CACNA2D3: variants seen among roughly 807,000 people sequenced by gnomAD.
CACNA2D3 encodes voltage-dependent calcium channel subunit alpha-2/delta-3.
CACNA2D3 carries 60 observed loss-of-function variants against 160.6 expected under a neutral mutation model. The observed-to-expected ratio is 0.37, with a 90% confidence interval of 0.30 to 0.46. The LOEUF (loss-of-function observed/expected upper bound fraction) is 0.46. CACNA2D3 is among the 20% of genes least tolerant of loss of function. The pLI, the probability that CACNA2D3 is intolerant of heterozygous loss-of-function variation, is 1.00. For synonymous variants in CACNA2D3, 558 were observed against 492.9 expected (o/e 1.13, Z -1.75); for missense variants, 1,205 against 1,365.0 (o/e 0.88, Z 1.85).
intron 2 of CACNA2D3, among the ~76,000 whole-genome samples, chr3:54,176,163 T>C (rs948339890): frequency 7.2e-5 from 11 of 152,194 alleles, no homozygotes; most frequent in African/African-American, 2.2e-4. Flanking sequence ...CCCAACACAC[T>C]TTTTCACATT....
chr3:54,198,952 T>C (rs1257821487), intron 2 of CACNA2D3, among the ~76,000 whole-genome samples: 8 of 152,264 alleles, frequency 5.3e-5, no homozygotes, highest in Non-Finnish European at 7.3e-5. Flanking sequence ...GCTGCTGGCC[T>C]GAGGACATTT....
chr3:54,676,633 T>C (rs1000464007), intron 11 of CACNA2D3, among the ~76,000 whole-genome samples: 1 of 152,128 alleles, frequency 6.6e-6, no homozygotes, highest in African/African-American at 2.4e-5. Flanking sequence ...GCCCTTCCCA[T>C]AGGCTGGCAG....
chr3:54,335,030 G>T (rs1305899430), intron 3 of CACNA2D3, among the ~76,000 whole-genome samples: 1 of 152,218 alleles, frequency 6.6e-6, no homozygotes, highest in African/African-American at 2.4e-5. Flanking sequence ...TTGATGTAAA[G>T]TGTTTTAGCC....
chr3:54,770,139 A>G (rs1048734261), intron 13 of CACNA2D3, among the ~76,000 whole-genome samples: 3 of 152,228 alleles, frequency 2.0e-5, no homozygotes, highest in Admixed American at 6.5e-5. Flanking sequence ...TTTGCCACAA[A>G]ATATCTCACT....
At chr3:54,267,079 G>A (rs1169072319) in intron 2 of CACNA2D3, among the ~76,000 whole-genome samples, 1 of 152,054 alleles carries the variant, frequency 6.6e-6, no homozygotes, top group Non-Finnish European at 1.5e-5. Context: ...ATGAGGCAGT[G>A]AGAAAAAAAT....
chr3:54,486,267 A>G (rs1251633787), intron 4 of CACNA2D3, among the ~76,000 whole-genome samples: 1 of 152,138 alleles, frequency 6.6e-6, no homozygotes. Flanking sequence ...AGTCCTTTGA[A>G]TTCCATCAAG....
chr3:54,670,676 GTTCT>G (rs572767319), intron 11 of CACNA2D3, among the ~76,000 whole-genome samples: 54 of 152,318 alleles, frequency 3.5e-4, no homozygotes, highest in Admixed American at 1.7e-3. Flanking sequence ...TCAGGGTCCT[GTTCT>G]TTCTTCCTGT....
intron 13 of CACNA2D3, among the ~76,000 whole-genome samples, chr3:54,799,473 G>A (rs932476504): frequency 6.6e-6 from 1 of 152,058 alleles, no homozygotes; most frequent in East Asian, 1.9e-4. Flanking sequence ...ATTCTTGGGG[G>A]CCCGGTATTT....
intron 13 of CACNA2D3, among the ~76,000 whole-genome samples, chr3:54,776,837 C>G (rs1192532623): frequency 1.3e-5 from 2 of 152,152 alleles, no homozygotes; most frequent in African/African-American, 4.8e-5. Flanking sequence ...ATAGACTATC[C>G]CTGCTGTGTG....
chr3:54,610,461 T>G (rs1164044682), intron 9 of CACNA2D3, among the ~76,000 whole-genome samples: 1 of 152,072 alleles, frequency 6.6e-6, no homozygotes, highest in Non-Finnish European at 1.5e-5. Context: ...TAAGTCCGTT[T>G]CAATGCCCTA....
intron 9 of CACNA2D3, among the ~76,000 whole-genome samples, chr3:54,623,326 T>C (rs1450392843): frequency 6.6e-6 from 1 of 152,146 alleles, no homozygotes; most frequent in Non-Finnish European, 1.5e-5. Flanking sequence ...GCAATCCTCA[T>C]GGAAAGAGAG....
At chr3:54,928,292 C>CT (rs1298059609) in intron 27 of CACNA2D3, among the ~76,000 whole-genome samples, 1 of 152,144 alleles carries the variant, frequency 6.6e-6, no homozygotes, top group Non-Finnish European at 1.5e-5. Context: ...GTGCCTCGGC[C>CT]TTTTTGATTA....
At chr3:54,879,272 A>G (rs1433319117) in intron 19 of CACNA2D3, 78 bp from the exon 20 acceptor site, 3 of 1,118,572 alleles carry the variant, frequency 2.7e-6, no homozygotes, top group South Asian at 1.4e-5. Flanking sequence ...ATTTATTTTT[A>G]TTTATTTCTG....
intron 4 of CACNA2D3, among the ~76,000 whole-genome samples, chr3:54,496,955 G>A (rs926870814): frequency 1.1e-4 from 17 of 152,040 alleles, no homozygotes; most frequent in African/African-American, 1.7e-4. Context: ...TGCACTCTCC[G>A]TTTCATGATC....
intron 2 of CACNA2D3, among the ~76,000 whole-genome samples, chr3:54,307,753 G>A (rs947394528): frequency 9.2e-5 from 14 of 152,122 alleles, no homozygotes; most frequent in Admixed American, 9.2e-4. Flanking sequence ...AGCTTGTTAG[G>A]GATCTTGCAG....
intron 13 of CACNA2D3, among the ~76,000 whole-genome samples, chr3:54,800,472 A>T (rs1206789219): frequency 6.6e-6 from 1 of 152,220 alleles, no homozygotes; most frequent in African/African-American, 2.4e-5. Flanking sequence ...GAAGAATGGC[A>T]ATTTTAATTG....
At chr3:54,947,970 T>C (rs905245059) in intron 27 of CACNA2D3, among the ~76,000 whole-genome samples, 2 of 152,166 alleles carry the variant, frequency 1.3e-5, no homozygotes, top group Non-Finnish European at 2.9e-5. Context: ...CAGCTCCTTA[T>C]TGGCAAATGC....
chr3:54,259,262 G>A (rs1027411852), intron 2 of CACNA2D3, among the ~76,000 whole-genome samples: 1 of 152,194 alleles, frequency 6.6e-6, no homozygotes, highest in Non-Finnish European at 1.5e-5. Flanking sequence ...TGAGAGCCTG[G>A]CATGGTGACA....
At chr3:54,771,966 C>G (rs1168618945) in intron 13 of CACNA2D3, among the ~76,000 whole-genome samples, 3 of 151,954 alleles carry the variant, frequency 2.0e-5, no homozygotes, top group African/African-American at 7.3e-5. Context: ...TTTAGGATAG[C>G]TATGTCCATT....
Sources: allele counts gnomAD v4.1 joint callset (sites outside exome capture counted in the v4.1 genomes callset), GRCh38; gene constraint gnomAD v4.1.1; transcripts MANE v1.5; gene names NCBI Gene and HGNC (gene_info 2026-07-23, HGNC 2026-07-21).